CHL1: variants seen among roughly 807,000 people sequenced by gnomAD.
CHL1 encodes the protein neural cell adhesion molecule L1-like protein.
In CHL1, 96 loss-of-function variants were observed where a neutral mutation model predicts 141.9. The observed-to-expected ratio is 0.68, with a 90% CI of 0.57 to 0.80. CHL1 has a LOEUF of 0.80. CHL1 is among the 30% of genes least tolerant of loss of function. The pLI, the probability that CHL1 is intolerant of heterozygous loss-of-function variation, is 0.00. For synonymous variants in CHL1, 613 were observed against 502.2 expected, an observed-to-expected ratio of 1.22 and a Z score of -2.95; for missense variants, 1,820 against 1,457.2, an observed-to-expected ratio of 1.25 and a Z score of -4.05.
intron 2 of CHL1, among the ~76,000 whole-genome samples, chr3:312,849 T>C (rs140065987): frequency 1.3e-5 from 2 of 152,322 alleles, no homozygotes; most frequent in East Asian, 1.9e-4. Flanking sequence ...TACAAATCCA[T>C]TGAGTTATTT....
intron 5 of CHL1, among the ~76,000 whole-genome samples, chr3:335,539 C>A (rs377035265): frequency 1.3e-5 from 2 of 152,302 alleles, no homozygotes; most frequent in South Asian, 4.1e-4. Flanking sequence ...TGATGGCAGA[C>A]TGTGAGCAAT....
chr3:318,155 C>G (rs1700285090), intron 2 of CHL1, among the ~76,000 whole-genome samples: 1 of 151,782 alleles, frequency 6.6e-6, no homozygotes, highest in Non-Finnish European at 1.5e-5. Flanking sequence ...AAAGCATAAA[C>G]AGTGTTGCTG....
chr3:360,567 A>T, intron 12 of CHL1, 143 bp downstream of exon 12: 1 of 794,768 alleles, frequency 1.3e-6, no homozygotes, highest in East Asian at 2.6e-5. Context: ...TGAGTTTTAG[A>T]CTTCACACTG....
At chr3:266,376 T>C (rs1025471122) in intron 2 of CHL1, among the ~76,000 whole-genome samples, 11 of 152,116 alleles carry the variant, frequency 7.2e-5, no homozygotes, top group African/African-American at 1.9e-4. Flanking sequence ...GAAGGATGCA[T>C]TGGAAGCAAC....
chr3:334,225 TG>T (rs1361046788), intron 5 of CHL1, among the ~76,000 whole-genome samples: 2 of 152,174 alleles, frequency 1.3e-5, no homozygotes, highest in East Asian at 1.9e-4. Context: ...ATCTTAGAGA[TG>T]GGGTTTTGCT....
chr3:274,055 T>C (rs1305856485), intron 2 of CHL1, among the ~76,000 whole-genome samples: 4 of 152,186 alleles, frequency 2.6e-5, no homozygotes, highest in African/African-American at 9.6e-5. Flanking sequence ...ACTTCACCAG[T>C]TTCCATTCAC....
At chr3:220,003 G>A (rs1002866231) in intron 1 of CHL1, among the ~76,000 whole-genome samples, 1 of 152,140 alleles carries the variant, frequency 6.6e-6, no homozygotes, top group Non-Finnish European at 1.5e-5. Context: ...TAAAAGGGAT[G>A]GACTACTGAT....
chr3:206,105 T>C (rs1231502739), intron 1 of CHL1, among the ~76,000 whole-genome samples: 2 of 152,164 alleles, frequency 1.3e-5, no homozygotes, highest in Non-Finnish European at 1.5e-5. Context: ...AAAGTAGACA[T>C]AAAGGAATCC....
rs1414326238 is a variant in CHL1, at chr3:211,690, T to C, written c.-175+14627T>C. 2.0e-5 allele frequency among the ~76,000 whole-genome samples: 3 copies of C among 152,154 alleles called. 1 individual carries two copies. On this transcript the variant is annotated intron_variant, in intron 1 of 27. Coordinates refer to ENST00000256509, the MANE Select transcript of CHL1 (RefSeq NM_006614.4). ...TCACAGTCTTGCCAAAAAGCACTTA[T>C]AAAGTATTGCACCGTAGTTTTCATA...
chr3:349,908 A>G (rs1703097319), intron 10 of CHL1, among the ~76,000 whole-genome samples: 2 of 152,234 alleles, frequency 1.3e-5, no homozygotes, highest in Non-Finnish European at 2.9e-5. Context: ...GAAAGGAAGT[A>G]TTAAAATGAG....
At chr3:239,897 C>T (rs919001081) in intron 1 of CHL1, among the ~76,000 whole-genome samples, 7 of 152,168 alleles carry the variant, frequency 4.6e-5, no homozygotes, top group African/African-American at 1.7e-4. Flanking sequence ...TCTCCAGCTC[C>T]ATCCAGGGTG....
At chr3:354,162 A>G (rs1272997143) in intron 10 of CHL1, among the ~76,000 whole-genome samples, 2 of 152,222 alleles carry the variant, frequency 1.3e-5, no homozygotes, top group African/African-American at 4.8e-5. Context: ...CTATAAGATC[A>G]CTAAGAAATA....
chr3:329,748 G>T (rs1701294101), intron 5 of CHL1, among the ~76,000 whole-genome samples: 1 of 151,960 alleles, frequency 6.6e-6, no homozygotes, highest in Admixed American at 6.6e-5. Context: ...TTGTTGAAAT[G>T]AAAAAGACAG....
intron 2 of CHL1, 41 bp from the exon 3 acceptor site, chr3:319,642 A>T (rs1575057079): frequency 6.0e-6 from 3 of 503,100 alleles, no homozygotes; most frequent in East Asian, 3.8e-5. Flanking sequence ...TTGAAATTTT[A>T]GAGTTTGTGA....
intron 1 of CHL1, among the ~76,000 whole-genome samples, chr3:239,331 G>A (rs550179145): frequency 6.6e-6 from 1 of 152,268 alleles, no homozygotes; most frequent in East Asian, 1.9e-4. Flanking sequence ...GACAACTAGA[G>A]TTCTAAAAGG....
In CHL1 at chr3:356,263, T is replaced by C. The variant is rs1292673072; in HGVS notation, c.1165+1492T>C. Among the ~76,000 whole-genome samples the C allele has an allele frequency of 2.0e-5, 3 of 152,210 alleles. No homozygotes were observed. In the South Asian group the frequency reaches 6.2e-4, roughly 32 times the overall value. On this transcript the variant is annotated intron_variant, in intron 11 of 27. Coordinates refer to ENST00000256509, the MANE Select transcript of CHL1 (RefSeq NM_006614.4). ...AGGTTACAAAAGTAAGGAACGCAGA[T>C]TCTCCGGAACACAAAATCATAAAAT...
At chr3:242,067 T>C (rs1434145827) in intron 1 of CHL1, among the ~76,000 whole-genome samples, 2 of 152,328 alleles carry the variant, frequency 1.3e-5, no homozygotes, top group Non-Finnish European at 2.9e-5. Context: ...CTCCACTATA[T>C]GTATATCCTA....
intron 22 of CHL1, 26 bp downstream of exon 22, chr3:391,185 T>G (rs752041924): frequency 6.5e-7 from 1 of 1,542,286 alleles, no homozygotes; most frequent in African/African-American, 1.4e-5. Context: ...TGTAGAGTCA[T>G]GTCAAAAATG....
chr3:292,717 C>T (rs1002521963), intron 2 of CHL1, among the ~76,000 whole-genome samples: 1 of 152,160 alleles, frequency 6.6e-6, no homozygotes, highest in Non-Finnish European at 1.5e-5. Flanking sequence ...CCACAGGGAG[C>T]TTTTACTCAT....
Sources: gnomAD v4.1 joint callset for allele counts (sites outside exome capture counted in the v4.1 genomes callset) on GRCh38, gnomAD v4.1.1 for gene constraint, MANE v1.5 for transcripts, NCBI Gene and HGNC (gene_info 2026-07-23, HGNC 2026-07-21) for gene names.